The following EEIG2 variants were observed in gnomAD, a reference collection of about 807,000 sequenced individuals.
EEIG2 encodes the protein family with sequence similarity 102 member B.
chr1:108,633,873 A>G, the EEIG2 span, among the ~76,000 whole-genome samples: 3 of 151,888 alleles, frequency 2.0e-5, no homozygotes, highest in Non-Finnish European at 4.4e-5. Flanking sequence ...CTGAGCTTTG[A>G]TCTCTGACTC....
the EEIG2 span, among the ~76,000 whole-genome samples, chr1:108,616,645 C>G: frequency 3.9e-5 from 6 of 152,076 alleles, no homozygotes; most frequent in Non-Finnish European, 7.4e-5. Context: ...ATAGGTCTTT[C>G]ATCATCTTCG....
the EEIG2 span, among the ~76,000 whole-genome samples, chr1:108,624,064 A>AC: frequency 6.6e-6 from 1 of 152,232 alleles, no homozygotes; most frequent in Admixed American, 6.5e-5. Flanking sequence ...TGAATTAACC[A>AC]ATGAAAATAG....
chr1:108,605,784 C>T, the EEIG2 span, among the ~76,000 whole-genome samples: 2 of 152,152 alleles, frequency 1.3e-5, no homozygotes, highest in African/African-American at 4.8e-5. Context: ...TAAATGTATA[C>T]TTTTACATGC....
the EEIG2 span, among the ~76,000 whole-genome samples, chr1:108,576,003 T>G: frequency 6.6e-6 from 1 of 152,176 alleles, no homozygotes; most frequent in Non-Finnish European, 1.5e-5. Context: ...GCTTTTCCAT[T>G]TTAATGTTAT....
At chr1:108,563,092 A>G in the EEIG2 span, among the ~76,000 whole-genome samples, 4 of 152,250 alleles carry the variant, frequency 2.6e-5, no homozygotes, top group African/African-American at 9.6e-5. Flanking sequence ...CAAGACTGCT[A>G]TTCTTAGAAA....
chr1:108,594,348 T>C, the EEIG2 span, among the ~76,000 whole-genome samples: 1 of 152,190 alleles, frequency 6.6e-6, no homozygotes, highest in East Asian at 1.9e-4. Context: ...AATTAGTTAC[T>C]TACTCATGAG....
At chr1:108,592,696 G>A in the EEIG2 span, among the ~76,000 whole-genome samples, 1 of 152,228 alleles carries the variant, frequency 6.6e-6, no homozygotes, top group African/African-American at 2.4e-5. Flanking sequence ...TAAATGAGGG[G>A]AACAGGACTC....
the EEIG2 span, among the ~76,000 whole-genome samples, chr1:108,577,958 A>G: frequency 6.6e-6 from 1 of 150,978 alleles, no homozygotes; most frequent in African/African-American, 2.4e-5. Flanking sequence ...GTTTGTTTGT[A>G]TCCTCTTTTA....
chr1:108,584,548 A>G, the EEIG2 span, among the ~76,000 whole-genome samples: 1 of 152,176 alleles, frequency 6.6e-6, no homozygotes, highest in Non-Finnish European at 1.5e-5. Context: ...GCATAGCATA[A>G]GAATAAACGC....
the EEIG2 span, among the ~76,000 whole-genome samples, chr1:108,601,526 G>T: frequency 6.6e-6 from 1 of 150,978 alleles, no homozygotes; most frequent in Non-Finnish European, 1.5e-5. Flanking sequence ...AGCCATAAAA[G>T]AAAAATTAGT....
chr1:108,628,748 A>G, the EEIG2 span: 1 of 1,613,480 alleles, frequency 6.2e-7, no homozygotes, highest in Non-Finnish European at 8.5e-7. Flanking sequence ...GATGCAGATG[A>G]CATTGTAGAG....
At chr1:108,560,648 G>C in the EEIG2 span, 1 of 1,494,044 alleles carries the variant, frequency 6.7e-7, no homozygotes, top group Non-Finnish European at 9.0e-7. Flanking sequence ...TGGCCCATTT[G>C]CTCGCCTTTC....
the EEIG2 span, among the ~76,000 whole-genome samples, chr1:108,622,746 C>G: frequency 6.6e-6 from 1 of 152,184 alleles, no homozygotes; most frequent in Non-Finnish European, 1.5e-5. Flanking sequence ...GATTTAATAG[C>G]AATCTTAAAT....
the EEIG2 span, among the ~76,000 whole-genome samples, chr1:108,603,938 T>A: frequency 6.6e-6 from 1 of 152,156 alleles, no homozygotes; most frequent in East Asian, 1.9e-4. Context: ...TCAGGCTAAA[T>A]CACAGAGAGA....
the EEIG2 span, among the ~76,000 whole-genome samples, chr1:108,569,263 C>T: frequency 6.6e-6 from 1 of 152,204 alleles, no homozygotes; most frequent in Non-Finnish European, 1.5e-5. Context: ...GTTGAATGAC[C>T]TCATCCATTT....
At chr1:108,600,788 C>G in the EEIG2 span, 1 of 1,245,276 alleles carries the variant, frequency 8.0e-7, no homozygotes, top group Admixed American at 2.3e-5. Flanking sequence ...TTCATTAGAA[C>G]TGTATATGCA....
chr1:108,630,540 C>T, the EEIG2 span, among the ~76,000 whole-genome samples: 5 of 152,146 alleles, frequency 3.3e-5, no homozygotes, highest in Non-Finnish European at 7.3e-5. Context: ...CTAACCTGCA[C>T]GTTGTGCACA....
the EEIG2 span, among the ~76,000 whole-genome samples, chr1:108,566,660 A>T: frequency 9.2e-5 from 14 of 152,312 alleles, no homozygotes; most frequent in African/African-American, 3.4e-4. Context: ...TGGATAAAGA[A>T]GATGTGGTAT....
chr1:108,637,981 C>T, the EEIG2 span: 1 of 152,670 alleles, frequency 6.6e-6, no homozygotes, highest in Admixed American at 6.5e-5. Flanking sequence ...TTGAAAAAGT[C>T]TTGACCAAGA....
Sources: gnomAD v4.1 joint callset for allele counts (sites outside exome capture counted in the v4.1 genomes callset) on GRCh38, gnomAD v4.1.1 for gene constraint, MANE v1.5 for transcripts, NCBI Gene and HGNC (gene_info 2026-07-23, HGNC 2026-07-21) for gene names.